ANOS1: variants seen among roughly 807,000 people sequenced by gnomAD.
ANOS1 encodes anosmin-1.
A neutral mutation model predicts 59.0 loss-of-function variants in ANOS1; 6 were observed. The ratio of observed to expected loss-of-function variants is 0.10; its 90% confidence interval spans 0.06 to 0.20. ANOS1 has a LOEUF of 0.20. Among genes scored for constraint, ANOS1 ranks in the 10% least tolerant of loss-of-function variants. The pLI is 1.00. For missense variants in ANOS1, 433 were observed against 542.3 expected (o/e 0.80, Z 2.00); for synonymous variants, 217 against 223.4 (o/e 0.97, Z 0.25).
intron 6 of ANOS1, among the ~76,000 whole-genome samples, chrX:8,580,073 G>T (rs1332064671): frequency 8.9e-6 from 1 of 111,917 alleles, no homozygotes; most frequent in East Asian, 2.8e-4. Context: ...AACTTATGTA[G>T]CAATATGCAG....
intron 2 of ANOS1, among the ~76,000 whole-genome samples, chrX:8,684,743 T>A (rs995270558): frequency 1.8e-5 from 2 of 108,281 alleles, no homozygotes. Context: ...CCCGAAGCCA[T>A]TGTGAAGTTT....
chrX:8,718,675 A>C (rs1932855641), intron 1 of ANOS1, among the ~76,000 whole-genome samples: 1 of 111,824 alleles, frequency 8.9e-6, no homozygotes, highest in Non-Finnish European at 1.9e-5. Flanking sequence ...TATGTGGGTC[A>C]TTCATATGGC....
intron 3 of ANOS1, among the ~76,000 whole-genome samples, chrX:8,605,967 G>A (rs764141915): frequency 2.6e-3 from 255 of 98,256 alleles, no homozygotes; most frequent in African/African-American, 8.8e-3. Flanking sequence ...GTGAGTGTAT[G>A]TGCCTTGTGG....
At chrX:8,630,406 G>A (rs1464698371) in intron 2 of ANOS1, among the ~76,000 whole-genome samples, 2 of 110,948 alleles carry the variant, frequency 1.8e-5, no homozygotes, top group Non-Finnish European at 3.8e-5. Flanking sequence ...CTACAGCCTG[G>A]GTGACAGAGT....
intron 7 of ANOS1, among the ~76,000 whole-genome samples, chrX:8,569,444 C>T (rs916742343): frequency 1.2e-4 from 14 of 112,050 alleles, no homozygotes; most frequent in African/African-American, 3.9e-4. Flanking sequence ...AGATAGAGAT[C>T]ATCCTGGCTA....
intron 13 of ANOS1, 89 bp downstream of exon 13, chrX:8,534,230 G>A (rs1259655279): frequency 4.3e-6 from 4 of 935,272 alleles, no homozygotes; most frequent in Non-Finnish European, 6.2e-6. Flanking sequence ...CTGTACTAGT[G>A]TATTTATTTG....
chrX:8,694,406 C>T (rs1355779553), intron 2 of ANOS1, among the ~76,000 whole-genome samples: 2 of 112,581 alleles, frequency 1.8e-5, no homozygotes, highest in East Asian at 5.6e-4. Context: ...TGGTGGCTCA[C>T]GCCTGTAATC....
At chrX:8,684,922 G>T (rs1178509849) in intron 2 of ANOS1, among the ~76,000 whole-genome samples, 1 of 110,070 alleles carries the variant, frequency 9.1e-6, no homozygotes, top group Non-Finnish European at 1.9e-5. Context: ...CTCTCCACAA[G>T]GATCCGTTCC....
chrX:8,538,994 T>A (rs1451029512), intron 10 of ANOS1, among the ~76,000 whole-genome samples: 1 of 112,086 alleles, frequency 8.9e-6, no homozygotes, highest in Admixed American at 9.5e-5. Context: ...AGGTATCACA[T>A]ATAAACTGCC....
intron 3 of ANOS1, among the ~76,000 whole-genome samples, chrX:8,617,707 GGAGACAGACGTTGCAGT>G (rs1305755916): frequency 1.8e-5 from 2 of 110,623 alleles, no homozygotes; most frequent in African/African-American, 3.3e-5. Flanking sequence ...CTTAAACCTG[GGAGACAGACGTTGCAGT>G]GAGCTGAGAC....
chrX:8,688,699 C>T (rs1045156282), intron 2 of ANOS1, among the ~76,000 whole-genome samples: 2 of 112,139 alleles, frequency 1.8e-5, no homozygotes, highest in Non-Finnish European at 3.8e-5. Flanking sequence ...ACACACTGAG[C>T]TATTAACTTG....
chrX:8,673,022 C>T (rs1042372054), intron 2 of ANOS1, among the ~76,000 whole-genome samples: 3 of 111,145 alleles, frequency 2.7e-5, no homozygotes, highest in East Asian at 2.8e-4. Context: ...ACTTTATGTC[C>T]GCACATCATA....
intron 6 of ANOS1, among the ~76,000 whole-genome samples, chrX:8,575,870 G>A (rs1478752708): frequency 9.0e-6 from 1 of 111,083 alleles, no homozygotes; most frequent in African/African-American, 3.3e-5. Flanking sequence ...TTGGGAAGCT[G>A]AGGCAGGAGG....
chrX:8,666,982 C>A (rs994470093), intron 2 of ANOS1, among the ~76,000 whole-genome samples: 1 of 111,662 alleles, frequency 9.0e-6, no homozygotes, highest in Non-Finnish European at 1.9e-5. Flanking sequence ...AGAAAATATA[C>A]CCTGCTCTAG....
rs1412609666 is a variant in ANOS1, at chrX:8,561,606, C to T, written c.1207+6626G>A. On this transcript the variant is annotated intron_variant, in intron 8 of 13. Transcript: ENST00000262648. Reference sequence around the variant, plus strand: ...CTGGGATTACAGGCGTGAGCCACCGCGCCCAGCCGGCTAATTTTTTTTAAG... The same window carrying T: ...CTGGGATTACAGGCGTGAGCCACCGTGCCCAGCCGGCTAATTTTTTTTAAG... Among the ~76,000 whole-genome samples, 6 of 108,453 alleles carry T rather than the reference C, an allele frequency of 5.5e-5. No individual in the cohort carries two copies. In the Admixed American group the frequency reaches 6.0e-4, roughly 11 times the overall value. The allele number at this position is 108,453 out of a possible 115,157, so 94.2% of individuals were successfully genotyped here.
chrX:8,646,635 C>T (rs1931761609), intron 2 of ANOS1, among the ~76,000 whole-genome samples: 1 of 110,623 alleles, frequency 9.0e-6, no homozygotes, highest in South Asian at 4.0e-4. Flanking sequence ...AATCCTGTTT[C>T]AAAAGAAGAT....
At chrX:8,649,165 C>T (rs1193905574) in intron 2 of ANOS1, among the ~76,000 whole-genome samples, 12 of 111,811 alleles carry the variant, frequency 1.1e-4, no homozygotes, top group African/African-American at 3.9e-4. Context: ...AAGGGCCGGT[C>T]CTGACCTCCA....
At chrX:8,556,235 G>A (rs1569047662) in intron 8 of ANOS1, among the ~76,000 whole-genome samples, 1 of 111,907 alleles carries the variant, frequency 8.9e-6, no homozygotes, top group South Asian at 3.7e-4. Flanking sequence ...ATACTGAATG[G>A]GGAAAAGCCA....
chrX:8,693,273 A>G (rs1932633569), intron 2 of ANOS1, among the ~76,000 whole-genome samples: 1 of 111,777 alleles, frequency 8.9e-6, no homozygotes, highest in Non-Finnish European at 1.9e-5. Context: ...ATATTCCTAA[A>G]TATTCTCTCT....
Sources: gnomAD v4.1 joint callset for allele counts (sites outside exome capture counted in the v4.1 genomes callset) on GRCh38, gnomAD v4.1.1 for gene constraint, MANE v1.5 for transcripts, NCBI Gene and HGNC (gene_info 2026-07-23, HGNC 2026-07-21) for gene names.